The following PIEZO2 variants were observed in gnomAD, a reference collection of about 807,000 sequenced individuals.
The protein encoded by PIEZO2 is piezo type mechanosensitive ion channel component 2.
A neutral mutation model predicts 337.3 loss-of-function variants in PIEZO2; 172 were observed. The ratio of observed to expected loss-of-function variants is 0.51; its 90% CI spans 0.45 to 0.58. The LOEUF is 0.58. PIEZO2 is among the 20% of genes least tolerant of loss of function. The pLI is 0.00. For synonymous variants in PIEZO2, 1,251 were observed against 1,228.5 expected (o/e 1.02, Z -0.38); for missense variants, 3,028 against 3,391.3 (o/e 0.89, Z 2.66).
At chr18:10,946,219 CA>C (rs2033013207) in intron 3 of PIEZO2, among the ~76,000 whole-genome samples, 1 of 151,958 alleles carries the variant, frequency 6.6e-6, no homozygotes, top group African/African-American at 2.4e-5. Flanking sequence ...TAACAGCAGC[CA>C]GAGATAAAAG....
At position 11,143,635 on chromosome 18, in the gene PIEZO2, ACACACTCTCTCTCT is replaced by A. The variant is rs1341724730; in HGVS notation, c.64+4876_64+4889del. ...CACACACACACACACACACACACAC[ACACACTCTCTCTCT>A]CTCTCTCTCTCTCTCTCTCTCTCAC... On this transcript the variant is annotated intron_variant, in intron 1 of 55. Transcript: ENST00000674853. The surrounding 1 kb of genome is among the most constrained non-coding windows in gnomAD (Gnocchi z 4.9). Among the ~76,000 whole-genome samples the A allele has an allele frequency of 1.2e-4, 9 of 75,942 alleles. No homozygotes were observed. Among genetic ancestry groups the A allele is most frequent in the African/African-American group, 6.4e-4 (8 of 12,528 alleles). The allele number at this position is 75,942 out of a possible 152,430, so 49.8% of individuals were successfully genotyped here.
At chr18:10,787,594 T>C (rs1439060412) in intron 15 of PIEZO2, among the ~76,000 whole-genome samples, 1 of 152,196 alleles carries the variant, frequency 6.6e-6, no homozygotes, top group African/African-American at 2.4e-5. Flanking sequence ...AAAGCAATAT[T>C]GTATGAATGA....
chr18:11,026,219 T>C (rs921132193), intron 2 of PIEZO2, among the ~76,000 whole-genome samples: 6 of 152,226 alleles, frequency 3.9e-5, no homozygotes, highest in African/African-American at 1.4e-4. Context: ...TTCTGGGTGC[T>C]TGTCTTCACA....
intron 17 of PIEZO2, among the ~76,000 whole-genome samples, chr18:10,782,216 TATATC>T (rs1305720551): frequency 7.5e-6 from 1 of 133,078 alleles, no homozygotes; most frequent in Non-Finnish European, 1.5e-5. Context: ...TATAATTATA[TATATC>T]ATAATATATA....
chr18:10,802,103 A>G (rs866557049), intron 9 of PIEZO2, among the ~76,000 whole-genome samples: 2,271 of 150,578 alleles, frequency 0.015, 26 homozygotes, highest in East Asian at 0.032. Context: ...AAAAAAAAAA[A>G]AAAGAAAGAA....
At position 10,830,588 on chromosome 18, in the gene PIEZO2, A is replaced by C. The variant is rs1415427568; in HGVS notation, c.918-23314T>G. Among the ~76,000 whole-genome samples, 1 of 152,158 alleles carries C rather than the reference A, an allele frequency of 6.6e-6. No homozygotes were observed. Among genetic ancestry groups the C allele is most frequent in the Non-Finnish European group, 1.5e-5 (1 of 68,028 alleles). The stretch of plus-strand genomic sequence containing the variant: ...AGCTATAAAACTACTAAAAGAAAAC[A>C]TTGGGAAAAATCTCCAGGACATTGG... On this transcript the variant is annotated intron_variant, in intron 7 of 55. Coordinates refer to ENST00000674853, the MANE Select transcript of PIEZO2 (RefSeq NM_001378183.1). This position sits in a 1 kb window ranked among gnomAD's most constrained non-coding sequence, Gnocchi z 4.7.
intron 7 of PIEZO2, among the ~76,000 whole-genome samples, chr18:10,807,542 T>C (rs779188755): frequency 5.0e-4 from 76 of 152,332 alleles, no homozygotes; most frequent in Non-Finnish European, 8.5e-4. Flanking sequence ...AGAAGATCTT[T>C]ACATCAGTTC....
rs1242593413 is a variant in PIEZO2 at position 10,707,538 on chromosome 18, AAC to A, written c.5588+735_5588+736del. Among the ~76,000 whole-genome samples, 2 of 152,182 alleles carry A rather than the reference AAC, an allele frequency of 1.3e-5. No homozygotes were observed. Among genetic ancestry groups the A allele is most frequent in the Admixed American group, 6.5e-5 (1 of 15,274 alleles). On this transcript the variant is annotated intron_variant, in intron 40 of 55. Transcript: ENST00000674853. This position sits in a 1 kb window ranked among gnomAD's most constrained non-coding sequence, Gnocchi z 4.2. ...ATTAGGCTGTTTTCGTGTCAGGAGA[AAC>A]ACAGTGTAGCTGCTGACTTCATTGT...
chr18:10,868,134 C>G (rs59908821), intron 5 of PIEZO2, among the ~76,000 whole-genome samples: 53,310 of 152,092 alleles, frequency 0.35, 9,386 homozygotes, highest in South Asian at 0.37. Context: ...GTCTTCCCCA[C>G]GGATTAGTTG....
At chr18:10,845,578 G>T (rs1351486764) in intron 7 of PIEZO2, among the ~76,000 whole-genome samples, 2 of 152,180 alleles carry the variant, frequency 1.3e-5, no homozygotes, top group African/African-American at 2.4e-5. Flanking sequence ...CTAGTTACCA[G>T]GATGGGTAGC....
rs1254228352 is a variant in PIEZO2, at chr18:11,033,447, G to C, written c.160+32680C>G. 6.6e-6 allele frequency among the ~76,000 whole-genome samples: 1 copy of C among 152,216 alleles called. No individual in the cohort carries two copies. Among genetic ancestry groups the C allele is most frequent in the Non-Finnish European group, 1.5e-5 (1 of 68,044 alleles). On this transcript the variant is annotated intron_variant, in intron 2 of 55. Transcript: ENST00000674853. The surrounding 1 kb of genome is among the most constrained non-coding windows in gnomAD (Gnocchi z 4.2). ...TCTGTCATGGATTTGTATTTAGACT[G>C]TGATTAATGTCAAAGTTAGCATAAT...
chr18:10,871,438 G>T, intron 4 of PIEZO2, 23 bp from the exon 5 acceptor site: 1 of 1,516,854 alleles, frequency 6.6e-7, no homozygotes, highest in Non-Finnish European at 8.8e-7. Flanking sequence ...AACAAGGGGA[G>T]GGGAAAAAAA....
intron 7 of PIEZO2, among the ~76,000 whole-genome samples, chr18:10,817,051 A>G (rs190229518): frequency 7.0e-4 from 107 of 152,328 alleles, no homozygotes; most frequent in African/African-American, 2.5e-3. Context: ...GCCCCACCCA[A>G]TACCTACTGA....
intron 4 of PIEZO2, among the ~76,000 whole-genome samples, chr18:10,873,003 G>C (rs2042175415): frequency 6.6e-6 from 1 of 152,034 alleles, no homozygotes; most frequent in South Asian, 2.1e-4. Context: ...AACTTACTTA[G>C]GGAAAGGAAG....
Position 10,726,416 on chromosome 18 carries a change from C to G in PIEZO2, c.5029+4991G>C. On this transcript the variant is annotated intron_variant, in intron 36 of 55. Coordinates refer to ENST00000674853, the MANE Select transcript of PIEZO2 (RefSeq NM_001378183.1). The surrounding 1 kb of genome is among the most constrained non-coding windows in gnomAD (Gnocchi z 5.9). ...ACAACGCGCGCCAGCCGTGGCACAA[C>G]GCGGAGGGCCGGCTGCGGTACGGGC... The G allele has an allele frequency of 6.5e-7, 1 of 1,529,464 alleles. No individual in the cohort carries two copies. The highest frequency in any genetic ancestry group is 8.7e-7 in the Non-Finnish European group (1 of 1,144,828). 94.7% of individuals were successfully genotyped at this position (1,529,464 alleles called of 1,614,324 possible). A position where few individuals can be genotyped will look rare whatever the true frequency, so the allele number is the denominator to read the frequency against.
chr18:10,934,645 G>GTGTGTGTGTGTGTC (rs1488751757), intron 3 of PIEZO2, among the ~76,000 whole-genome samples: 1 of 141,222 alleles, frequency 7.1e-6, no homozygotes, highest in Non-Finnish European at 1.6e-5. Flanking sequence ...ACGTGTGTGT[G>GTGTGTGTGTGTGTC]TGTGTGTGTG....
At position 10,795,078 on chromosome 18, in the gene PIEZO2, C is replaced by T; in HGVS notation, c.1528-76G>A. 8.0e-7 allele frequency: 1 copy of T among 1,254,136 alleles called. No homozygotes were observed. 77.7% of individuals were successfully genotyped at this position (1,254,136 alleles called of 1,614,324 possible). On this transcript the variant is annotated intron_variant, in intron 12 of 55. Transcript: ENST00000674853. The surrounding 1 kb of genome is among the most constrained non-coding windows in gnomAD (Gnocchi z 4.4). ...CCCCCCCGCCCTGGTAAGGTAAAAA[C>T]TATCTAAAAAGAAAAGGTCATAATA... is the stretch of plus-strand genomic sequence containing the variant.
rs1173163098 is a variant in PIEZO2, at chr18:10,750,774, T to C, written c.4168-587A>G. Among the ~76,000 whole-genome samples, 1 of 152,250 alleles carries C rather than the reference T, an allele frequency of 6.6e-6. No homozygotes were observed. Among genetic ancestry groups the C allele is most frequent in the Non-Finnish European group, 1.5e-5 (1 of 68,042 alleles). Reference sequence around the variant, plus strand: ...GAGTTGGAAAATGTTTAAACAAGTATGAATCATTGCAAGCAAATACATAAA... The same window carrying C: ...GAGTTGGAAAATGTTTAAACAAGTACGAATCATTGCAAGCAAATACATAAA... On this transcript the variant is annotated intron_variant, in intron 28 of 55. Coordinates refer to ENST00000674853, the MANE Select transcript of PIEZO2 (RefSeq NM_001378183.1). This position sits in a 1 kb window ranked among gnomAD's most constrained non-coding sequence, Gnocchi z 4.1.
Position 10,899,787 on chromosome 18 carries a change from A to G in PIEZO2, c.329+11399T>C, listed in dbSNP as rs774818318. 6.6e-6 allele frequency among the ~76,000 whole-genome samples: 1 copy of G among 152,194 alleles called. No homozygotes were observed. Among genetic ancestry groups the G allele is most frequent in the African/African-American group, 2.4e-5 (1 of 41,448 alleles). On this transcript the variant is annotated intron_variant, in intron 4 of 55. Coordinates refer to ENST00000674853, the MANE Select transcript of PIEZO2 (RefSeq NM_001378183.1). The surrounding 1 kb of genome is among the most constrained non-coding windows in gnomAD (Gnocchi z 4.6). ...TCTCTTCATGCCCCTCATGAAACCT[A>G]CAATGTTCATGCTAACACCTCTGAC... is the stretch of plus-strand genomic sequence containing the variant.
Sources: allele counts gnomAD v4.1 joint callset (sites outside exome capture counted in the v4.1 genomes callset), GRCh38; gene constraint gnomAD v4.1.1; non-coding constraint Gnocchi (gnomAD v3.1); transcripts MANE v1.5; gene names NCBI Gene and HGNC (gene_info 2026-07-23, HGNC 2026-07-21).